The following ESR1 variants were observed in gnomAD, a reference collection of about 807,000 sequenced individuals.
ESR1 encodes the protein estrogen receptor 1.
Under a neutral mutation model 52.7 loss-of-function variants are expected in ESR1, and 12 were observed. The observed-to-expected ratio is 0.23, with a 90% confidence interval of 0.15 to 0.37. ESR1 has a LOEUF of 0.37. Among genes scored for constraint, ESR1 ranks in the 10% least tolerant of loss-of-function variants. The probability of loss-of-function intolerance (pLI) is 1.00; values close to 1 mark genes in which losing one functional copy is unlikely to be tolerated. For missense variants in ESR1, 584 were observed against 779.7 expected, an observed-to-expected ratio of 0.75 and a Z score of 2.99; for synonymous variants, 305 against 316.8, an observed-to-expected ratio of 0.96 and a Z score of 0.39.
intron 1 of ESR1, among the ~76,000 whole-genome samples, chr6:151,831,566 A>G (rs1267499226): frequency 1.3e-5 from 2 of 152,158 alleles, no homozygotes; most frequent in Non-Finnish European, 2.9e-5. Flanking sequence ...TGGGCTCCCA[A>G]GGATCCTGCT....
Position 151,808,384 on chromosome 6 carries a change from C to G in ESR1, c.452+20C>G. The G allele has an allele frequency of 1.1e-5, 14 of 1,323,346 alleles. No individual in the cohort carries two copies. Among genetic ancestry groups the G allele is most frequent in the Non-Finnish European group, 1.3e-5 (14 of 1,039,930 alleles). 82.0% of individuals were successfully genotyped at this position (1,323,346 alleles called of 1,614,324 possible). ...CTACAGGTACCCGCGCCCGCGCCGCCCGTCGGGGTGGCCGCCGCGCCCGGC... is the reference window on the plus strand; with the variant it reads ...CTACAGGTACCCGCGCCCGCGCCGCGCGTCGGGGTGGCCGCCGCGCCCGGC... On this transcript the variant is annotated intron_variant, in intron 1 of 7. Transcript: ENST00000206249.
intron 6 of ESR1, among the ~76,000 whole-genome samples, chr6:152,078,451 C>T (rs934965347): frequency 6.6e-6 from 1 of 152,168 alleles, no homozygotes; most frequent in Non-Finnish European, 1.5e-5. Flanking sequence ...TATTTTTATA[C>T]TCTGTCAGGA....
chr6:152,016,067 T>C (rs2043146997), intron 5 of ESR1, among the ~76,000 whole-genome samples: 1 of 152,058 alleles, frequency 6.6e-6, no homozygotes, highest in African/African-American at 2.4e-5. Flanking sequence ...ATACTGTTAG[T>C]GTGGTAGTGA....
chr6:152,108,277 G>A (rs961374782), intron 6 of ESR1, among the ~76,000 whole-genome samples: 1 of 152,214 alleles, frequency 6.6e-6, no homozygotes, highest in Non-Finnish European at 1.5e-5. Flanking sequence ...CAACAAAGCT[G>A]TCGGTCCTTC....
chr6:151,808,075 C>A lies in ESR1; in HGVS notation c.163C>A (p.Pro55Thr), dbSNP rs1453436394. 4 of 1,613,014 alleles carry A rather than the reference C, an allele frequency of 2.5e-6. No individual in the cohort carries two copies. In the African/African-American group the frequency reaches 5.3e-5, roughly 22 times the overall value. The change falls in exon 1 of 8, where the codon CCC (proline) becomes ACC (threonine). Residue 55 changes from proline to threonine, a missense_variant. This residue lies in a region of ESR1 where 251 missense variants were observed against 246.1 expected (regional missense o/e 1.02). Coordinates refer to ENST00000206249, the MANE Select transcript of ESR1 (RefSeq NM_000125.4). ...DSSKPAVYNY[P>T]EGAAYEFNAA... Reference sequence around the variant, plus strand: ...CAGCAAGCCCGCCGTGTACAACTACCCCGAGGGCGCCGCCTACGAGTTCAA... The same window carrying A: ...CAGCAAGCCCGCCGTGTACAACTACACCGAGGGCGCCGCCTACGAGTTCAA...
chr6:151,665,489 C>G (rs1410530035), intron 1 of ESR1, among the ~76,000 whole-genome samples: 2 of 152,290 alleles, frequency 1.3e-5, no homozygotes, highest in East Asian at 3.9e-4. Context: ...TGGAAGCCAC[C>G]AGATCCTAGC....
intron 6 of ESR1, among the ~76,000 whole-genome samples, chr6:152,118,678 C>A (rs768200592): frequency 2.0e-5 from 3 of 151,958 alleles, no homozygotes; most frequent in African/African-American, 7.3e-5. Flanking sequence ...GGCTTAAAAC[C>A]TAGATGATGG....
chr6:151,816,189 C>T (rs967795525), intron 1 of ESR1, among the ~76,000 whole-genome samples: 1 of 152,116 alleles, frequency 6.6e-6, no homozygotes, highest in Non-Finnish European at 1.5e-5. Flanking sequence ...AGGAACCTAC[C>T]CTATTTTCCC....
chr6:151,665,443 G>A (rs566811648), intron 1 of ESR1, among the ~76,000 whole-genome samples: 107 of 152,178 alleles, frequency 7.0e-4, no homozygotes, highest in South Asian at 2.1e-4. Flanking sequence ...TTAGAGGATC[G>A]TGATCTCTGA....
intron 2 of ESR1, among the ~76,000 whole-genome samples, chr6:151,777,143 G>C (rs1318011654): frequency 6.7e-6 from 1 of 149,400 alleles, no homozygotes; most frequent in African/African-American, 2.5e-5. Context: ...TTGAGACAGA[G>C]TCTTGCTCTT....
Position 152,093,296 on chromosome 6 carries a change from A to C in ESR1, c.1370-1089A>C, listed in dbSNP as rs1020450728. ...TCTCAAAAAAAAAACAAAAAAAAAA[A>C]ACTAAGACCTTGTGACTACTACCTA... On this transcript the variant is annotated intron_variant, in intron 6 of 7. Coordinates refer to ENST00000206249, the MANE Select transcript of ESR1 (RefSeq NM_000125.4). Among the ~76,000 whole-genome samples, 5 of 151,370 alleles carry C rather than the reference A, an allele frequency of 3.3e-5. No homozygotes were observed. In the South Asian group the frequency reaches 1.0e-3, roughly 32 times the overall value.
At chr6:152,122,049 T>A (rs2051509319) in intron 6 of ESR1, 1 of 297,188 alleles carries the variant, frequency 3.4e-6, no homozygotes, top group Non-Finnish European at 6.5e-6. Context: ...CTTGGGAGGG[T>A]CATTTATCTG....
intron 2 of ESR1, among the ~76,000 whole-genome samples, chr6:151,748,315 T>TA (rs1783636784): frequency 6.6e-6 from 1 of 152,184 alleles, no homozygotes; most frequent in South Asian, 2.1e-4. Flanking sequence ...GACGTATCCC[T>TA]AGATATGTAT....
At chr6:151,997,977 C>T (rs1430617521) in intron 4 of ESR1, among the ~76,000 whole-genome samples, 1 of 152,106 alleles carries the variant, frequency 6.6e-6, no homozygotes, top group Non-Finnish European at 1.5e-5. Flanking sequence ...CTTCTTGTTA[C>T]TTCTTGGCAT....
Position 152,011,691 on chromosome 6 carries a change from C to A in ESR1, c.1132C>A (p.Leu378Ile). ...TTTGACCCTCCATGATCAGGTCCAC[C>A]TTCTAGAATGTGCCTGGCTAGAGAT... ...VDLTLHDQVH[L>I]LECAWLEILM... is the part of the protein sequence containing the mutation. The change falls in exon 5 of 8, where the codon CTT (leucine) becomes ATT (isoleucine). Residue 378 changes from leucine to isoleucine, a missense_variant. Around this residue, in one of 6 missense-constraint regions of ESR1, gnomAD observed 141 missense variants for 289.3 expected, o/e 0.49. Coordinates refer to ENST00000206249, the MANE Select transcript of ESR1 (RefSeq NM_000125.4). 1 of 1,613,214 alleles carries A rather than the reference C, an allele frequency of 6.2e-7. No individual in the cohort carries two copies. The highest frequency in any genetic ancestry group is 8.5e-7 in the Non-Finnish European group (1 of 1,179,494).
intron 2 of ESR1, among the ~76,000 whole-genome samples, chr6:151,735,456 C>T (rs371872330): frequency 6.6e-5 from 10 of 152,298 alleles, no homozygotes; most frequent in Middle Eastern, 3.4e-3. Context: ...TAGAAAAATG[C>T]ACCTTGCTTG....
intron 6 of ESR1, among the ~76,000 whole-genome samples, chr6:152,076,628 T>A (rs183830343): frequency 1.5e-3 from 230 of 152,310 alleles, no homozygotes; most frequent in African/African-American, 5.2e-3. Flanking sequence ...TTGACAAGAA[T>A]ACTGATAGTG....
chr6:151,854,944 T>G (rs1252368079), intron 2 of ESR1, among the ~76,000 whole-genome samples: 1 of 152,234 alleles, frequency 6.6e-6, no homozygotes, highest in African/African-American at 2.4e-5. Flanking sequence ...GACGCAGTCT[T>G]TCTCTGTTGC....
At chr6:152,093,994 T>C (rs1211803874) in intron 6 of ESR1, among the ~76,000 whole-genome samples, 2 of 152,166 alleles carry the variant, frequency 1.3e-5, no homozygotes, top group African/African-American at 4.8e-5. Flanking sequence ...TGCCTTTTTG[T>C]TTCTTGATGT....
Sources: gnomAD v4.1 joint callset for allele counts (sites outside exome capture counted in the v4.1 genomes callset) on GRCh38, gnomAD v4.1.1 for gene constraint, gnomAD v4.1.1 regional missense constraint, MANE v1.5 for transcripts, NCBI Gene and HGNC (gene_info 2026-07-23, HGNC 2026-07-21) for gene names.